The following CSMD1 variants were observed in gnomAD, a reference collection of about 807,000 sequenced individuals.
CSMD1 encodes CUB and Sushi multiple domains 1.
In CSMD1, 213 loss-of-function variants were observed where a neutral mutation model predicts 417.5. The ratio of observed to expected loss-of-function variants is 0.51; its 90% CI spans 0.46 to 0.57. The LOEUF (loss-of-function observed/expected upper bound fraction) is 0.57. Among genes scored for constraint, CSMD1 ranks in the 20% least tolerant of loss-of-function variants. The probability of loss-of-function intolerance (pLI) is 0.00; values close to 1 mark genes in which losing one functional copy is unlikely to be tolerated. For missense variants in CSMD1, 6,923 were observed against 4,529.7 expected (o/e 1.53, Z -15.17); for synonymous variants, 2,862 against 1,736.8 (o/e 1.65, Z -16.11).
intron 8 of CSMD1, among the ~76,000 whole-genome samples, chr8:3,601,988 G>C (rs929576823): frequency 6.6e-6 from 1 of 152,082 alleles, no homozygotes; most frequent in Non-Finnish European, 1.5e-5. Context: ...GGGAGATGTG[G>C]GTAGGGGAGG....
intron 3 of CSMD1, among the ~76,000 whole-genome samples, chr8:4,221,752 G>C (rs943692910): frequency 2.6e-5 from 4 of 152,190 alleles, no homozygotes; most frequent in Non-Finnish European, 4.4e-5. Flanking sequence ...TGCTGGGCTA[G>C]CCTACATTGA....
chr8:4,000,338 G>A lies in CSMD1; in HGVS notation c.611-2228C>T, dbSNP rs536478265. On this transcript the variant is annotated intron_variant, in intron 4 of 69. Coordinates refer to ENST00000635120, the MANE Select transcript of CSMD1 (RefSeq NM_033225.6). ...CGCCACAGTTTTTATTACATTCTTG[G>A]GAAGAGCTACTGGGAATGTGATCAT... is the stretch of plus-strand genomic sequence containing the variant. 2.2e-4 allele frequency among the ~76,000 whole-genome samples: 33 copies of A among 152,356 alleles called. No homozygotes were observed. In the East Asian group the frequency reaches 5.8e-3, roughly 27 times the overall value.
At chr8:4,132,046 A>G (rs1164214079) in intron 3 of CSMD1, among the ~76,000 whole-genome samples, 1 of 152,142 alleles carries the variant, frequency 6.6e-6, no homozygotes, top group East Asian at 1.9e-4. Flanking sequence ...TGATGGCATA[A>G]CAAAGGTAAA....
At chr8:3,055,697 G>T (rs1331366166) in intron 49 of CSMD1, among the ~76,000 whole-genome samples, 1 of 152,144 alleles carries the variant, frequency 6.6e-6, no homozygotes, top group Non-Finnish European at 1.5e-5. Flanking sequence ...TTCCTCAGTT[G>T]TTTTTTCTTT....
chr8:3,260,638 T>G (rs1800993542), intron 26 of CSMD1, among the ~76,000 whole-genome samples: 1 of 150,262 alleles, frequency 6.7e-6, no homozygotes, highest in South Asian at 2.1e-4. Flanking sequence ...GAGAGAAACA[T>G]TTTTGACAAT....
At chr8:2,938,802 C>G (rs931086117) in intron 69 of CSMD1, 58 bp from the exon 70 acceptor site, 12 of 1,486,694 alleles carry the variant, frequency 8.1e-6, no homozygotes, top group African/African-American at 1.4e-5. Context: ...GATTTAGCAG[C>G]TGGGACTGTG....
chr8:3,624,339 G>A lies in CSMD1; in HGVS notation c.1010-7542C>T, dbSNP rs1362447563. Among the ~76,000 whole-genome samples the A allele has an allele frequency of 3.3e-5, 5 of 152,132 alleles. No homozygotes were observed. The East Asian group carries it at 7.7e-4, about 23-fold the overall frequency. ...TATAATCCACCTTTAGAGAACAAGA[G>A]CCACAGATTGGCTTGAATGTTAAAT... On this transcript the variant is annotated intron_variant, in intron 7 of 69. Coordinates refer to ENST00000635120, the MANE Select transcript of CSMD1 (RefSeq NM_033225.6).
At chr8:3,397,217 C>A (rs960192642) in intron 16 of CSMD1, among the ~76,000 whole-genome samples, 1 of 152,114 alleles carries the variant, frequency 6.6e-6, no homozygotes, top group African/African-American at 2.4e-5. Flanking sequence ...GCAGCTTAAG[C>A]GTCATAAGAC....
intron 37 of CSMD1, among the ~76,000 whole-genome samples, chr8:3,163,618 A>G (rs111712758): frequency 7.0e-6 from 1 of 143,612 alleles, no homozygotes; most frequent in Non-Finnish European, 1.5e-5. Context: ...TCCGAAAAAG[A>G]AAAAAAAAAA....
intron 5 of CSMD1, among the ~76,000 whole-genome samples, chr8:3,993,838 T>C (rs1022409189): frequency 6.6e-6 from 1 of 152,214 alleles, no homozygotes; most frequent in Non-Finnish European, 1.5e-5. Context: ...TTCTTCCAGG[T>C]ACTCTGCATG....
At chr8:3,905,596 G>C (rs1221102579) in intron 5 of CSMD1, among the ~76,000 whole-genome samples, 1 of 152,202 alleles carries the variant, frequency 6.6e-6, no homozygotes, top group African/African-American at 2.4e-5. Context: ...CCCACACCCA[G>C]AGTTTCCACT....
At chr8:3,904,137 T>A (rs1169029334) in intron 5 of CSMD1, among the ~76,000 whole-genome samples, 1 of 152,156 alleles carries the variant, frequency 6.6e-6, no homozygotes, top group African/African-American at 2.4e-5. Flanking sequence ...GTAATTATAT[T>A]TGGATAAATA....
At chr8:3,817,665 C>G (rs1047856902) in intron 5 of CSMD1, among the ~76,000 whole-genome samples, 1 of 152,074 alleles carries the variant, frequency 6.6e-6, no homozygotes, top group Non-Finnish European at 1.5e-5. Flanking sequence ...AAACTTAAAG[C>G]TCTTCTTTAA....
intron 1 of CSMD1, among the ~76,000 whole-genome samples, chr8:4,683,881 G>T (rs1040475412): frequency 2.0e-5 from 3 of 152,172 alleles, no homozygotes; most frequent in African/African-American, 7.2e-5. Context: ...TAATTGTCAA[G>T]AACTTTATAG....
At chr8:3,322,798 C>T (rs948860565) in intron 23 of CSMD1, among the ~76,000 whole-genome samples, 2 of 152,244 alleles carry the variant, frequency 1.3e-5, no homozygotes, top group African/African-American at 4.8e-5. Context: ...GGAGGCATTT[C>T]TCCTGTCCAG....
chr8:4,671,177 G>C (rs535477563), intron 1 of CSMD1, among the ~76,000 whole-genome samples: 3 of 152,156 alleles, frequency 2.0e-5, no homozygotes, highest in Non-Finnish European at 4.4e-5. Flanking sequence ...ATGATGCTTA[G>C]TATTCCATTC....
At chr8:4,431,146 T>C (rs6991612) in intron 2 of CSMD1, among the ~76,000 whole-genome samples, 38,004 of 152,076 alleles carry the variant, frequency 0.25, 5,260 homozygotes, top group Middle Eastern at 0.34. Context: ...AGGCTCTAAA[T>C]GATTTGCTCA....
At chr8:4,445,142 A>C (rs1798707804) in intron 2 of CSMD1, among the ~76,000 whole-genome samples, 1 of 152,216 alleles carries the variant, frequency 6.6e-6, no homozygotes, top group African/African-American at 2.4e-5. Context: ...GTGCTGTTTT[A>C]AGATTGGGTG....
intron 3 of CSMD1, among the ~76,000 whole-genome samples, chr8:4,044,360 T>C (rs947280186): frequency 2.0e-5 from 3 of 152,230 alleles, no homozygotes; most frequent in Non-Finnish European, 2.9e-5. Context: ...TAGTATTTAC[T>C]GATAAGAACC....
Sources: allele counts gnomAD v4.1 joint callset (sites outside exome capture counted in the v4.1 genomes callset), GRCh38; gene constraint gnomAD v4.1.1; transcripts MANE v1.5; gene names NCBI Gene and HGNC (gene_info 2026-07-23, HGNC 2026-07-21).